MACROD2: variants seen among roughly 807,000 people sequenced by gnomAD.
MACROD2 encodes ADP-ribose glycohydrolase MACROD2.
A neutral mutation model predicts 70.4 loss-of-function variants in MACROD2; 36 were observed. The ratio of observed to expected loss-of-function variants is 0.51; its 90% CI spans 0.39 to 0.68. The LOEUF is 0.68. Ranked by LOEUF, MACROD2 falls within the 30% of genes least tolerant of loss-of-function variation. The probability of loss-of-function intolerance (pLI) is 0.00; values close to 1 mark genes in which losing one functional copy is unlikely to be tolerated. For synonymous variants in MACROD2, 172 were observed against 178.8 expected (o/e 0.96, Z 0.30); for missense variants, 496 against 538.4 (o/e 0.92, Z 0.78).
intron 3 of MACROD2, among the ~76,000 whole-genome samples, chr20:14,263,975 ACACACACAC>A (rs2082121589): frequency 5.9e-3 from 1 of 170 alleles, no homozygotes; most frequent in African/African-American, 0.019. Flanking sequence ...CTATCTAAAC[ACACACACAC>A]ACACACACAC....
intron 6 of MACROD2, among the ~76,000 whole-genome samples, chr20:15,246,346 GT>G (rs1195152197): frequency 1.3e-5 from 2 of 152,054 alleles, no homozygotes; most frequent in Admixed American, 6.6e-5. Context: ...CCAAACCTGA[GT>G]TTTTTAGGGG....
chr20:15,541,591 G>T (rs1277357648), intron 8 of MACROD2, among the ~76,000 whole-genome samples: 1 of 152,004 alleles, frequency 6.6e-6, no homozygotes, highest in Admixed American at 6.6e-5. Flanking sequence ...TGATATTGAG[G>T]TTTCACCTAA....
intron 5 of MACROD2, among the ~76,000 whole-genome samples, chr20:14,930,264 T>C (rs1364536192): frequency 1.3e-5 from 2 of 151,982 alleles, no homozygotes; most frequent in Non-Finnish European, 1.5e-5. Flanking sequence ...TTTTTAAAAA[T>C]GTAAATTTAT....
rs148608040 is a variant in MACROD2 at position 15,559,226 on chromosome 20, CAAAAAAAAAA to C, written c.645+59396_645+59405del. Among the ~76,000 whole-genome samples, 5 of 43,230 alleles carry C rather than the reference CAAAAAAAAAA, an allele frequency of 1.2e-4. No homozygotes were observed. The East Asian group carries it at 1.7e-3, about 15-fold the overall frequency. The allele number at this position is 43,230 out of a possible 152,430, so 28.4% of individuals were successfully genotyped here. A position where few individuals can be genotyped will look rare whatever the true frequency, so the allele number is the denominator to read the frequency against. The stretch of plus-strand genomic sequence containing the variant: ...TGGGCGACAGAGCGAAACTCCGTCT[CAAAAAAAAAA>C]AAAAAAAAAAAAAAAAGATTCTCAG... On this transcript the variant is annotated intron_variant, in intron 8 of 17. Coordinates refer to ENST00000684519, the MANE Select transcript of MACROD2 (RefSeq NM_001351661.2).
chr20:14,528,953 G>A (rs1355921689), intron 4 of MACROD2, among the ~76,000 whole-genome samples: 2 of 152,112 alleles, frequency 1.3e-5, no homozygotes, highest in Non-Finnish European at 2.9e-5. Context: ...TGGCTTTTCA[G>A]TATCTTTTCC....
At chr20:14,962,680 A>T (rs1461018829) in intron 5 of MACROD2, among the ~76,000 whole-genome samples, 1 of 149,890 alleles carries the variant, frequency 6.7e-6, no homozygotes, top group African/African-American at 2.5e-5. Context: ...TTTCTTCATT[A>T]CTTCTTCCTT....
At chr20:14,118,964 G>C (rs1001437463) in intron 3 of MACROD2, among the ~76,000 whole-genome samples, 4 of 149,882 alleles carry the variant, frequency 2.7e-5, no homozygotes, top group African/African-American at 9.8e-5. Context: ...TCCTGCCTCA[G>C]CCTCCTGAGT....
chr20:15,975,516 G>A (rs1467470838), intron 13 of MACROD2, among the ~76,000 whole-genome samples: 1 of 152,102 alleles, frequency 6.6e-6, no homozygotes, highest in African/African-American at 2.4e-5. Flanking sequence ...GGAATATTAT[G>A]TATCTTTTAA....
chr20:15,440,360 T>C (rs1162837131), intron 7 of MACROD2, among the ~76,000 whole-genome samples: 1 of 152,150 alleles, frequency 6.6e-6, no homozygotes, highest in East Asian at 1.9e-4. Flanking sequence ...TTATCCAATA[T>C]AGTTTTGTTA....
intron 5 of MACROD2, among the ~76,000 whole-genome samples, chr20:14,902,307 T>C (rs2073904117): frequency 1.3e-5 from 2 of 152,144 alleles, no homozygotes. Flanking sequence ...TCCTCTTCAT[T>C]TATTCTAAGT....
intron 5 of MACROD2, among the ~76,000 whole-genome samples, chr20:15,211,031 C>A (rs35050745): frequency 1.7e-3 from 261 of 152,276 alleles, no homozygotes; most frequent in Non-Finnish European, 2.9e-3. Flanking sequence ...ACTGTCAACA[C>A]CACTATCTAA....
chr20:15,979,337 G>T (rs2066360578), intron 13 of MACROD2, among the ~76,000 whole-genome samples: 1 of 152,160 alleles, frequency 6.6e-6, no homozygotes, highest in South Asian at 2.1e-4. Context: ...GGATCTTAAG[G>T]CTTCTGCTTG....
chr20:14,495,550 G>A, intron 4 of MACROD2, among the ~76,000 whole-genome samples: 1 of 152,164 alleles, frequency 6.6e-6, no homozygotes, highest in Non-Finnish European at 1.5e-5. Flanking sequence ...AGGAGGAAGG[G>A]GAGAATGGAG....
chr20:15,663,279 G>A (rs532562973), intron 8 of MACROD2, among the ~76,000 whole-genome samples: 49 of 141,456 alleles, frequency 3.5e-4, no homozygotes, highest in Middle Eastern at 4.0e-3. Flanking sequence ...TCTGTCACCC[G>A]CGCTGTACTG....
intron 5 of MACROD2, among the ~76,000 whole-genome samples, chr20:14,841,382 G>T (rs551140252): frequency 1.1e-4 from 16 of 152,294 alleles, no homozygotes; most frequent in African/African-American, 3.8e-4. Flanking sequence ...ACTGAGGTGA[G>T]GGGCAAGGGG....
rs2122243571 is a variant in MACROD2 at position 14,833,865 on chromosome 20, A to T, written c.418+148906A>T. The stretch of plus-strand genomic sequence containing the variant: ...ATGATGCCATAGCTTAGTAAATTGC[A>T]TAAGCTGAATAAAAATAGTATAACA... On this transcript the variant is annotated intron_variant, in intron 5 of 17. Coordinates refer to ENST00000684519, the MANE Select transcript of MACROD2 (RefSeq NM_001351661.2). Among the ~76,000 whole-genome samples, 2 of 152,240 alleles carry T rather than the reference A, an allele frequency of 1.3e-5. 1 individual carries two copies. Among genetic ancestry groups the T allele is most frequent in the South Asian group, 4.1e-4 (2 of 4,820 alleles).
At chr20:14,861,187 T>G (rs1223354483) in intron 5 of MACROD2, among the ~76,000 whole-genome samples, 2 of 152,114 alleles carry the variant, frequency 1.3e-5, no homozygotes, top group African/African-American at 2.4e-5. Flanking sequence ...ACTCAAAGAC[T>G]AGCAACTGGT....
intron 4 of MACROD2, among the ~76,000 whole-genome samples, chr20:14,649,423 T>A (rs529464827): frequency 6.6e-6 from 1 of 152,124 alleles, no homozygotes; most frequent in African/African-American, 2.4e-5. Flanking sequence ...AGGGAGAGCA[T>A]CTCCGTTGCT....
At chr20:14,636,280 T>C (rs1377103486) in intron 4 of MACROD2, among the ~76,000 whole-genome samples, 2 of 152,030 alleles carry the variant, frequency 1.3e-5, no homozygotes, top group Non-Finnish European at 1.5e-5. Flanking sequence ...TATTTCTGGC[T>C]TAATAGGAAC....
Sources: gnomAD v4.1 joint callset for allele counts (sites outside exome capture counted in the v4.1 genomes callset) on GRCh38, gnomAD v4.1.1 for gene constraint, MANE v1.5 for transcripts, NCBI Gene and HGNC (gene_info 2026-07-23, HGNC 2026-07-21) for gene names.